The following TOGARAM1 variants were observed in gnomAD, a reference collection of about 807,000 sequenced individuals.
TOGARAM1 encodes the protein TOG array regulator of axonemal microtubules protein 1.
Under a neutral mutation model 166.6 loss-of-function variants are expected in TOGARAM1, and 100 were observed. The observed-to-expected ratio is 0.60, with a 90% CI of 0.51 to 0.71. TOGARAM1 has a LOEUF of 0.71. Ranked by LOEUF, TOGARAM1 falls within the 30% of genes least tolerant of loss-of-function variation. TOGARAM1 has a pLI of 0.00. For missense variants in TOGARAM1, 2,029 were observed against 2,102.7 expected (o/e 0.96, Z 0.69); for synonymous variants, 758 against 763.8 (o/e 0.99, Z 0.13).
chr14:45,000,438 A>G (rs1170987921), intron 3 of TOGARAM1, among the ~76,000 whole-genome samples: 1 of 152,142 alleles, frequency 6.6e-6, no homozygotes, highest in African/African-American at 2.4e-5. Flanking sequence ...CCCACATAGC[A>G]GTGAGAACAT....
chr14:44,978,865 C>A (rs559148892), intron 1 of TOGARAM1, among the ~76,000 whole-genome samples: 6 of 151,444 alleles, frequency 4.0e-5, no homozygotes, highest in Admixed American at 2.6e-4. Flanking sequence ...GTGGCATATA[C>A]CTATAGGCCT....
rs1250337428 is a variant in TOGARAM1, at chr14:45,021,209, G to A, written c.3239-4574G>A. ...ACAGACAGTGGCTCCAAGTCCTCCC[G>A]GACAACTAGGATTAAAAATTTTCCC... On this transcript the variant is annotated intron_variant, in intron 7 of 19. Coordinates refer to ENST00000361462, the MANE Select transcript of TOGARAM1 (RefSeq NM_001308120.2). Among the ~76,000 whole-genome samples the A allele has an allele frequency of 2.5e-4, 38 of 152,094 alleles. 1 individual carries two copies. The highest frequency in any genetic ancestry group is 2.2e-3 in the Admixed American group (33 of 15,264).
intron 11 of TOGARAM1, among the ~76,000 whole-genome samples, chr14:45,039,723 G>T (rs10147260): frequency 6.6e-6 from 1 of 152,162 alleles, no homozygotes; most frequent in Non-Finnish European, 1.5e-5. Flanking sequence ...CTGAGCCTGT[G>T]GGGGGCAGGG....
chr14:45,017,542 G>A (rs1880225844), intron 7 of TOGARAM1, among the ~76,000 whole-genome samples: 1 of 152,140 alleles, frequency 6.6e-6, no homozygotes, highest in Non-Finnish European at 1.5e-5. Flanking sequence ...GGGGCAACAG[G>A]AATATAATTT....
At chr14:45,036,198 G>C (rs535014350) in intron 11 of TOGARAM1, among the ~76,000 whole-genome samples, 23 of 148,060 alleles carry the variant, frequency 1.6e-4, no homozygotes, top group African/African-American at 4.7e-4. Flanking sequence ...TGATACAAAG[G>C]CCCAAAGGGA....
rs540571334 is a variant in TOGARAM1, at chr14:45,008,803, A to C, written c.2905-110A>C. 188 of 706,814 alleles carry C rather than the reference A, an allele frequency of 2.7e-4. No individual in the cohort carries two copies. The South Asian group carries it at 3.6e-3, about 13-fold the overall frequency. 43.8% of individuals were successfully genotyped at this position (706,814 alleles called of 1,614,324 possible). ...AGTATTCATCTTGTTTTAGTACAGGATTGGGAAGTGGTTAGCTAGGTATAG... is the reference window on the plus strand; with the variant it reads ...AGTATTCATCTTGTTTTAGTACAGGCTTGGGAAGTGGTTAGCTAGGTATAG... On this transcript the variant is annotated intron_variant, in intron 5 of 19. Transcript: ENST00000361462.
chr14:44,964,750 C>T (rs986684068), intron 1 of TOGARAM1, among the ~76,000 whole-genome samples: 3 of 151,998 alleles, frequency 2.0e-5, no homozygotes, highest in Non-Finnish European at 4.4e-5. Context: ...TTATCTCATT[C>T]ATACAACAAA....
chr14:45,045,007 CATT>C lies in TOGARAM1; in HGVS notation c.4154+140_4154+142del. On this transcript the variant is annotated intron_variant, in intron 13 of 19. Transcript: ENST00000361462. ...TATTAAAAAGTTCCTATGAGATAAA[CATT>C]ATACTACATGCCGAATATGAAAAGA... 3 of 552,512 alleles carry C rather than the reference CATT, an allele frequency of 5.4e-6. No homozygotes were observed. In the South Asian group the frequency reaches 8.6e-5, roughly 16 times the overall value. 34.2% of individuals were successfully genotyped at this position (552,512 alleles called of 1,614,324 possible).
rs1375754699 is a variant in TOGARAM1 at position 45,004,256 on chromosome 14, T to C, written c.2534T>C (p.Val845Ala). The change falls in exon 4 of 20, where the codon GTT becomes GCT. Residue 845 changes from valine (V) to alanine (A), a missense_variant. By Grantham distance (64) the Val-to-Ala change is moderately conservative. Around this residue, in one of 2 missense-constraint regions of TOGARAM1, gnomAD observed 1,453 missense variants for 1,432.2 expected, o/e 1.01. Coordinates refer to ENST00000361462, the MANE Select transcript of TOGARAM1 (RefSeq NM_001308120.2). The part of the protein sequence containing the change: ...ISPKKSQDNS[V>A]NFSNSWPLKS... The stretch of plus-strand genomic sequence containing the variant: ...CCAAAGAAGTCTCAAGATAATTCTG[T>C]TAATTTCTCAAATTCCTGGCCTCTT... 2.5e-6 allele frequency: 4 copies of C among 1,614,016 alleles called. No homozygotes were observed. The African/African-American group carries it at 4.0e-5, about 16-fold the overall frequency.
At chr14:44,995,327 G>A (rs912716536) in intron 1 of TOGARAM1, among the ~76,000 whole-genome samples, 3 of 152,168 alleles carry the variant, frequency 2.0e-5, no homozygotes, top group African/African-American at 7.2e-5. Context: ...TAATAGATTT[G>A]CCTCAGTAAG....
intron 7 of TOGARAM1, among the ~76,000 whole-genome samples, chr14:45,020,161 G>A (rs1880411904): frequency 6.6e-6 from 1 of 152,202 alleles, no homozygotes; most frequent in African/African-American, 2.4e-5. Flanking sequence ...GGAGAATCCA[G>A]GGCATCCACT....
At position 44,962,989 on chromosome 14, in the gene TOGARAM1, G is replaced by T. The variant is rs1885270038; in HGVS notation, c.568G>T (p.Glu190Ter). Residue 190 changes from glutamate to a stop codon, truncating the protein, a stop_gained, in exon 1 of 20, where the codon GAA (glutamate) becomes TAA (stop). Transcript: ENST00000361462. LOFTEE classifies it high-confidence loss of function. ...GCCTCAACTAGTTGTCTCGTTACGG[G>T]AAGAGAATCCAGCCCTGCGGAAAGA... ...LLPQLVVSLR[E>*]ENPALRKDAL... 2 of 1,614,062 alleles carry T rather than the reference G, an allele frequency of 1.2e-6. No individual in the cohort carries two copies. Among genetic ancestry groups the T allele is most frequent in the Non-Finnish European group, 1.7e-6 (2 of 1,180,042 alleles).
intron 6 of TOGARAM1, among the ~76,000 whole-genome samples, chr14:45,010,971 A>G (rs1432658147): frequency 6.6e-6 from 1 of 152,208 alleles, no homozygotes; most frequent in African/African-American, 2.4e-5. Context: ...TCCACTGACA[A>G]ATATATTTCT....
chr14:44,995,065 C>G (rs1887348844), intron 1 of TOGARAM1, among the ~76,000 whole-genome samples: 1 of 152,130 alleles, frequency 6.6e-6, no homozygotes, highest in Non-Finnish European at 1.5e-5. Flanking sequence ...GAATTTTGAA[C>G]ATTTGATTCA....
intron 16 of TOGARAM1, among the ~76,000 whole-genome samples, chr14:45,057,196 T>C (rs1882683693): frequency 6.6e-6 from 1 of 152,166 alleles, no homozygotes; most frequent in South Asian, 2.1e-4. Flanking sequence ...TAATGTCTCC[T>C]TTCTGATTTT....
chr14:45,027,253 C>T, intron 8 of TOGARAM1, 46 bp from the exon 9 acceptor site: 1 of 1,592,160 alleles, frequency 6.3e-7, no homozygotes, highest in Non-Finnish European at 8.6e-7. Context: ...TCTAGAGTAC[C>T]ATCACATAAT....
intron 1 of TOGARAM1, among the ~76,000 whole-genome samples, chr14:44,971,060 G>A (rs1042359174): frequency 6.6e-6 from 1 of 151,978 alleles, no homozygotes; most frequent in Non-Finnish European, 1.5e-5. Context: ...TATTAGGGTA[G>A]TGCTGGCCTT....
At chr14:44,997,892 G>C (rs188275110) in intron 2 of TOGARAM1, among the ~76,000 whole-genome samples, 101 of 152,256 alleles carry the variant, frequency 6.6e-4, no homozygotes, top group Admixed American at 1.1e-3. Context: ...TAGCACCCAG[G>C]TAATAAGAAA....
intron 6 of TOGARAM1, among the ~76,000 whole-genome samples, chr14:45,009,784 T>C (rs1265160700): frequency 6.6e-6 from 1 of 152,208 alleles, no homozygotes; most frequent in Non-Finnish European, 1.5e-5. Context: ...ACTTAACTGG[T>C]GAGTGATCTC....
Sources: gnomAD v4.1 joint callset for allele counts (sites outside exome capture counted in the v4.1 genomes callset) on GRCh38, gnomAD v4.1.1 for gene constraint, gnomAD v4.1.1 regional missense constraint, MANE v1.5 for transcripts, NCBI Gene and HGNC (gene_info 2026-07-23, HGNC 2026-07-21) for gene names.